The following AMOTL1 variants were observed in gnomAD, a reference collection of about 807,000 sequenced individuals.
AMOTL1 encodes the protein angiomotin-like protein 1.
Under a neutral mutation model 102.9 loss-of-function variants are expected in AMOTL1, and 45 were observed. That is an observed-to-expected ratio of 0.44 (90% CI 0.34 to 0.56). AMOTL1 has a LOEUF of 0.56. AMOTL1 is among the 20% of genes least tolerant of loss of function. The pLI is 0.01. For synonymous variants in AMOTL1, 481 were observed against 484.7 expected, an observed-to-expected ratio of 0.99 and a Z score of 0.10; for missense variants, 1,114 against 1,225.6, an observed-to-expected ratio of 0.91 and a Z score of 1.36.
intron 4 of AMOTL1, among the ~76,000 whole-genome samples, chr11:94,828,547 C>T (rs745848189): frequency 6.6e-6 from 1 of 152,214 alleles, no homozygotes; most frequent in Non-Finnish European, 1.5e-5. Context: ...CCTCCTGCCA[C>T]TTCTACCTTG....
chr11:94,727,855 T>C (rs893895771), intron 1 of AMOTL1, among the ~76,000 whole-genome samples: 1 of 152,200 alleles, frequency 6.6e-6, no homozygotes, highest in Non-Finnish European at 1.5e-5. Context: ...TTATTAGATA[T>C]TGTTATTTGT....
chr11:94,774,940 C>T (rs1370074991), intron 1 of AMOTL1, among the ~76,000 whole-genome samples: 4 of 152,190 alleles, frequency 2.6e-5, no homozygotes, highest in African/African-American at 9.7e-5. Context: ...ACTTTCCTGA[C>T]CATGACTTTT....
chr11:94,812,269 T>G (rs892317998), intron 3 of AMOTL1, among the ~76,000 whole-genome samples: 4 of 152,056 alleles, frequency 2.6e-5, no homozygotes, highest in African/African-American at 9.7e-5. Context: ...AGCTTAAGAA[T>G]GCACCCATGA....
chr11:94,864,793 G>T lies in AMOTL1; in HGVS notation c.2194G>T (p.Ala732Ser). 6.2e-7 allele frequency: 1 copy of T among 1,613,838 alleles called. No individual in the cohort carries two copies. The highest frequency in any genetic ancestry group is 8.5e-7 in the Non-Finnish European group (1 of 1,179,786). The change falls in exon 10 of 13, where the codon GCC becomes TCC. Residue 732 changes from alanine to serine, a missense_variant. Coordinates refer to ENST00000433060, the MANE Select transcript of AMOTL1 (RefSeq NM_130847.3). Reference protein sequence around the residue: ...NGSYGESSLEAHIWQEEEEVV... With the variant: ...NGSYGESSLESHIWQEEEEVV... ...CAGCTACGGAGAGAGCTCGCTGGAG[G>T]CCCACATCTGGCAAGAGGAGGAGGA...
At chr11:94,726,645 G>A (rs1461963367) in intron 1 of AMOTL1, among the ~76,000 whole-genome samples, 1 of 152,128 alleles carries the variant, frequency 6.6e-6, no homozygotes, top group Non-Finnish European at 1.5e-5. Context: ...TTACATTTTA[G>A]TTTCTTCTTC....
chr11:94,728,356 G>A (rs1408537992), intron 1 of AMOTL1, among the ~76,000 whole-genome samples: 1 of 152,092 alleles, frequency 6.6e-6, no homozygotes, highest in Non-Finnish European at 1.5e-5. Context: ...GTTTTCAAAA[G>A]GAAAAGGAAA....
intron 8 of AMOTL1, among the ~76,000 whole-genome samples, chr11:94,856,475 T>A (rs2135722136): frequency 6.6e-6 from 1 of 152,226 alleles, no homozygotes; most frequent in East Asian, 1.9e-4. Flanking sequence ...GCTCTGCTGG[T>A]CTCACCAGAG....
chr11:94,826,980 G>A (rs189232451), intron 4 of AMOTL1, among the ~76,000 whole-genome samples: 3 of 152,294 alleles, frequency 2.0e-5, no homozygotes, highest in Admixed American at 1.3e-4. Flanking sequence ...TAGGGATCCT[G>A]AAGTTTCCTT....
intron 3 of AMOTL1, among the ~76,000 whole-genome samples, chr11:94,812,915 TCCACATTC>T (rs1951707286): frequency 6.6e-6 from 1 of 152,078 alleles, no homozygotes; most frequent in Admixed American, 6.5e-5. Context: ...TCCCAAATCA[TCCACATTC>T]CATATCAAAG....
At chr11:94,779,712 G>A (rs1951079740) in intron 1 of AMOTL1, among the ~76,000 whole-genome samples, 1 of 151,866 alleles carries the variant, frequency 6.6e-6, no homozygotes, top group Admixed American at 6.6e-5. Context: ...ATTATGTTCT[G>A]GTCACATTGA....
chr11:94,823,837 T>C (rs966873671), intron 4 of AMOTL1, among the ~76,000 whole-genome samples: 1 of 151,738 alleles, frequency 6.6e-6, no homozygotes. Flanking sequence ...TGCCTCAGCC[T>C]CCTGAGTAGC....
chr11:94,869,507 A>G (rs1952951757), intron 12 of AMOTL1, 34 bp downstream of exon 12: 1 of 1,546,082 alleles, frequency 6.5e-7, no homozygotes, highest in Non-Finnish European at 8.7e-7. Context: ...TGCCCCTGAA[A>G]ACTGTGGAAC....
chr11:94,823,013 A>G (rs1271377323), intron 4 of AMOTL1, among the ~76,000 whole-genome samples: 9 of 151,272 alleles, frequency 5.9e-5, no homozygotes, highest in African/African-American at 2.2e-4. Context: ...TCTGACTACA[A>G]GAATGTTGTC....
intron 9 of AMOTL1, among the ~76,000 whole-genome samples, chr11:94,863,176 C>T (rs1441307677): frequency 1.3e-5 from 2 of 151,566 alleles, no homozygotes; most frequent in Non-Finnish European, 2.9e-5. Flanking sequence ...AATGAGAGAC[C>T]ATGTGTACCG....
chr11:94,840,681 T>TATATATATATATATATATATACACAC (rs1166713705), intron 6 of AMOTL1, among the ~76,000 whole-genome samples: 7 of 104,784 alleles, frequency 6.7e-5, no homozygotes, highest in African/African-American at 2.4e-4. Context: ...TATATATATA[T>TATATATATATATATATATATACACAC]ACACACACAC....
rs1272344785 is a variant in AMOTL1, at chr11:94,864,861, G to A, written c.2261+1G>A. 8 of 1,612,742 alleles carry A rather than the reference G, an allele frequency of 5.0e-6. No individual in the cohort carries two copies. Among genetic ancestry groups the A allele is most frequent in the East Asian group, 2.2e-5 (1 of 44,862 alleles). ...GAAGGTGTCAGGACATGGAATACACGTAAGGGACGACTATGTGTGACGTGT... is the reference window on the plus strand; with the variant it reads ...GAAGGTGTCAGGACATGGAATACACATAAGGGACGACTATGTGTGACGTGT... On this transcript the variant is annotated splice_donor_variant, in intron 10 of 12. Transcript: ENST00000433060. LOFTEE classifies it high-confidence loss of function.
Position 94,795,169 on chromosome 11 carries a change from T to G in AMOTL1, c.199+9T>G. ...CATCAGGGAAAAAGTTGGTAAGTCCTTTTACCGGCACTTGTGTTGGAAAAG... is the reference window on the plus strand; with the variant it reads ...CATCAGGGAAAAAGTTGGTAAGTCCGTTTACCGGCACTTGTGTTGGAAAAG... On this transcript the variant is annotated intron_variant, in intron 2 of 12. Coordinates refer to ENST00000433060, the MANE Select transcript of AMOTL1 (RefSeq NM_130847.3). The G allele has an allele frequency of 6.2e-7, 1 of 1,612,670 alleles. No homozygotes were observed. The highest frequency in any genetic ancestry group is 8.5e-7 in the Non-Finnish European group (1 of 1,179,480).
At chr11:94,713,578 T>C (rs1295114406) in intron 1 of AMOTL1, among the ~76,000 whole-genome samples, 2 of 151,936 alleles carry the variant, frequency 1.3e-5, no homozygotes, top group Non-Finnish European at 2.9e-5. Flanking sequence ...ATTTTCAATA[T>C]ACAGATTCTG....
chr11:94,847,711 C>T (rs1185051271), intron 6 of AMOTL1, among the ~76,000 whole-genome samples: 1 of 137,942 alleles, frequency 7.2e-6, no homozygotes. Context: ...TATGATACTG[C>T]TTATCAAGCA....
Sources: allele counts gnomAD v4.1 joint callset (sites outside exome capture counted in the v4.1 genomes callset), GRCh38; gene constraint gnomAD v4.1.1; transcripts MANE v1.5; gene names NCBI Gene and HGNC (gene_info 2026-07-23, HGNC 2026-07-21).